The following CMC1 variants were observed in gnomAD, a reference collection of about 807,000 sequenced individuals.
CMC1 encodes the protein COX assembly mitochondrial protein homolog.
In CMC1, 14 loss-of-function variants were observed where a neutral mutation model predicts 14.1. That is an observed-to-expected ratio of 0.99 (90% CI 0.66 to 1.55). The LOEUF (loss-of-function observed/expected upper bound fraction) is 1.55, where lower values mean the gene tolerates loss of function less well. CMC1 is among the 40% of genes most tolerant of loss of function. CMC1 has a pLI of 0.00. For missense variants in CMC1, 127 were observed against 123.8 expected, an observed-to-expected ratio of 1.03 and a Z score of -0.12; for synonymous variants, 50 against 38.4, an observed-to-expected ratio of 1.30 and a Z score of -1.12.
At chr3:28,272,238 C>A (rs974195832) in intron 2 of CMC1, among the ~76,000 whole-genome samples, 1 of 152,096 alleles carries the variant, frequency 6.6e-6, no homozygotes, top group Non-Finnish European at 1.5e-5. Context: ...TTGCCCTGGC[C>A]ACAATTTCCA....
Position 28,319,501 on chromosome 3 carries a change from T to C in CMC1, c.201-8T>C. Reference sequence around the variant, plus strand: ...TTACTTGAAAATATTTTCATTTCCTTCTCATAGCTATAATGATCCAGCCTT... The same window carrying C: ...TTACTTGAAAATATTTTCATTTCCTCCTCATAGCTATAATGATCCAGCCTT... On this transcript the variant is annotated splice_region_variant and splice_polypyrimidine_tract_variant and intron_variant, in intron 3 of 3. Transcript: ENST00000466830. 1 of 1,586,180 alleles carries C rather than the reference T, an allele frequency of 6.3e-7. No individual in the cohort carries two copies. Among genetic ancestry groups the C allele is most frequent in the African/African-American group, 1.4e-5 (1 of 73,530 alleles).
chr3:28,321,172 A>G lies in CMC1; in HGVS notation c.*1543A>G, dbSNP rs1186475555. 6.6e-6 allele frequency: 1 copy of G among 151,476 alleles called. No homozygotes were observed. The highest frequency in any genetic ancestry group is 1.5e-5 in the Non-Finnish European group (1 of 67,598). 9.4% of individuals were successfully genotyped at this position (151,476 alleles called of 1,614,324 possible). On this transcript the variant is annotated 3_prime_UTR_variant, in exon 4 of 4. Coordinates refer to ENST00000466830, the MANE Select transcript of CMC1 (RefSeq NM_182523.2). The stretch of plus-strand genomic sequence containing the variant: ...TAGAGCAGACAAAAGCAAAGCAAAT[A>G]TAGAAATCTAGAGACCACACAGCAT...
chr3:28,274,430 A>G (rs1041307994), intron 2 of CMC1, among the ~76,000 whole-genome samples: 11 of 151,910 alleles, frequency 7.2e-5, no homozygotes, highest in African/African-American at 2.7e-4. Flanking sequence ...AAGAATATTG[A>G]ATATTAGCAC....
At chr3:28,313,742 C>T (rs1404105369) in intron 2 of CMC1, among the ~76,000 whole-genome samples, 1 of 152,156 alleles carries the variant, frequency 6.6e-6, no homozygotes, top group Non-Finnish European at 1.5e-5. Flanking sequence ...CTAGTTTGTA[C>T]CAGTTCCCTA....
chr3:28,319,344 T>C, intron 3 of CMC1, 165 bp from the exon 4 acceptor site: 1 of 694,082 alleles, frequency 1.4e-6, no homozygotes. Flanking sequence ...TGGTCTTTAG[T>C]TTGGTAGCAT....
chr3:28,268,380 T>G (rs953865109), intron 2 of CMC1, among the ~76,000 whole-genome samples: 4 of 152,196 alleles, frequency 2.6e-5, no homozygotes, highest in Admixed American at 6.5e-5. Flanking sequence ...GCTTAATTTC[T>G]CCAGCACTGT....
chr3:28,296,473 T>C (rs1383281463), intron 2 of CMC1, among the ~76,000 whole-genome samples: 1 of 152,052 alleles, frequency 6.6e-6, no homozygotes, highest in Non-Finnish European at 1.5e-5. Context: ...CATTAATTTA[T>C]TTCTCTTTAT....
At chr3:28,292,195 A>G (rs943756506) in intron 2 of CMC1, among the ~76,000 whole-genome samples, 5 of 152,030 alleles carry the variant, frequency 3.3e-5, no homozygotes, top group African/African-American at 1.2e-4. Flanking sequence ...ACTTTTTGAA[A>G]TTTATAGTAT....
At chr3:28,248,081 G>A (rs1698920310) in intron 1 of CMC1, among the ~76,000 whole-genome samples, 1 of 152,090 alleles carries the variant, frequency 6.6e-6, no homozygotes, top group East Asian at 1.9e-4. Flanking sequence ...GTATAGAGTT[G>A]TTTTCCTTTT....
intron 2 of CMC1, among the ~76,000 whole-genome samples, chr3:28,278,900 T>C (rs1209567929): frequency 2.6e-5 from 4 of 152,314 alleles, no homozygotes; most frequent in Non-Finnish European, 5.9e-5. Flanking sequence ...AGTGGCTGTC[T>C]AGCACATTGT....
At chr3:28,317,356 T>A (rs1702978107) in intron 3 of CMC1, 1 of 152,010 alleles carries the variant, frequency 6.6e-6, no homozygotes, top group Non-Finnish European at 1.5e-5. Context: ...CTTAAGTTAA[T>A]AATATCAAAG....
chr3:28,261,605 C>T (rs990120185), intron 1 of CMC1, among the ~76,000 whole-genome samples: 1 of 152,152 alleles, frequency 6.6e-6, no homozygotes, highest in Non-Finnish European at 1.5e-5. Context: ...GTTTAAAATG[C>T]ACACCAGAGC....
intron 2 of CMC1, among the ~76,000 whole-genome samples, chr3:28,281,465 C>G (rs1700890068): frequency 1.3e-5 from 2 of 152,120 alleles, no homozygotes; most frequent in Admixed American, 1.3e-4. Context: ...ATTTTTAAAA[C>G]TTCTGATATT....
At chr3:28,263,106 T>C in intron 1 of CMC1, 185 bp from the exon 2 acceptor site, 1 of 527,784 alleles carries the variant, frequency 1.9e-6, no homozygotes, top group East Asian at 3.5e-5. Context: ...ATTTTTGTTG[T>C]TGTATATAAA....
chr3:28,302,410 A>G (rs974802907), intron 2 of CMC1, among the ~76,000 whole-genome samples: 5 of 152,180 alleles, frequency 3.3e-5, no homozygotes, highest in Non-Finnish European at 7.4e-5. Flanking sequence ...ACTATGTGGG[A>G]CAGCAAAGAG....
rs1698522203 is a variant in CMC1 at position 28,241,734 on chromosome 3, A to G, written c.-60A>G. ...GTCCGAGCCCAAGCCCCTCCCCTCC[A>G]CTCCCCTTCCTGCGTGCCCCGGAGC... On this transcript the variant is annotated 5_prime_UTR_variant, in exon 1 of 4. Coordinates refer to ENST00000466830, the MANE Select transcript of CMC1 (RefSeq NM_182523.2). The G allele has an allele frequency of 2.5e-5, 31 of 1,238,962 alleles. No homozygotes were observed. In the South Asian group the frequency reaches 9.9e-4, roughly 40 times the overall value. 76.7% of individuals were successfully genotyped at this position (1,238,962 alleles called of 1,614,324 possible).
intron 2 of CMC1, among the ~76,000 whole-genome samples, chr3:28,286,879 T>G (rs776300352): frequency 6.6e-6 from 1 of 151,716 alleles, no homozygotes; most frequent in Non-Finnish European, 1.5e-5. Flanking sequence ...AGCCTATTTT[T>G]CATTTTCTGT....
At chr3:28,269,093 A>G (rs1438806514) in intron 2 of CMC1, among the ~76,000 whole-genome samples, 1 of 152,216 alleles carries the variant, frequency 6.6e-6, no homozygotes, top group East Asian at 1.9e-4. Context: ...TGCCTAATTT[A>G]TAAATCAAAT....
At chr3:28,274,722 A>C (rs1700487298) in intron 2 of CMC1, among the ~76,000 whole-genome samples, 1 of 150,734 alleles carries the variant, frequency 6.6e-6, no homozygotes, top group Non-Finnish European at 1.5e-5. Flanking sequence ...GCTTGTTTCC[A>C]TACTTCCTGT....
Sources: allele counts gnomAD v4.1 joint callset (sites outside exome capture counted in the v4.1 genomes callset), GRCh38; gene constraint gnomAD v4.1.1; transcripts MANE v1.5; gene names NCBI Gene and HGNC (gene_info 2026-07-23, HGNC 2026-07-21).